The following CTNNA3 variants were observed in gnomAD, a reference collection of about 807,000 sequenced individuals.
CTNNA3 encodes the protein catenin alpha-3.
Under a neutral mutation model 95.7 loss-of-function variants are expected in CTNNA3, and 76 were observed. The observed-to-expected ratio is 0.79, with a 90% confidence interval of 0.66 to 0.96. CTNNA3 has a LOEUF of 0.96. CTNNA3 is among the 40% of genes least tolerant of loss of function. The pLI is 0.00. For missense variants in CTNNA3, 1,191 were observed against 1,089.8 expected, an observed-to-expected ratio of 1.09 and a Z score of -1.31; for synonymous variants, 431 against 374.4, an observed-to-expected ratio of 1.15 and a Z score of -1.74.
chr10:67,321,718 G>C (rs573934520), intron 5 of CTNNA3, among the ~76,000 whole-genome samples: 1 of 151,828 alleles, frequency 6.6e-6, no homozygotes, highest in Admixed American at 6.6e-5. Context: ...TTTAAATCTC[G>C]AGTCCACACC....
intron 17 of CTNNA3, among the ~76,000 whole-genome samples, chr10:65,921,673 A>G (rs1163692497): frequency 1.3e-5 from 2 of 152,204 alleles, no homozygotes; most frequent in Non-Finnish European, 2.9e-5. Flanking sequence ...ATCACAGGGC[A>G]GTGTGAACTG....
At chr10:66,729,048 T>G (rs1197225627) in intron 9 of CTNNA3, among the ~76,000 whole-genome samples, 1 of 152,220 alleles carries the variant, frequency 6.6e-6, no homozygotes, top group Non-Finnish European at 1.5e-5. Context: ...TTGTCTAAGA[T>G]TAGATGGTTG....
chr10:66,628,690 G>T (rs921947673), intron 9 of CTNNA3, among the ~76,000 whole-genome samples: 1 of 152,060 alleles, frequency 6.6e-6, no homozygotes, highest in Non-Finnish European at 1.5e-5. Flanking sequence ...AGGAAAAATG[G>T]TGTCTATGCC....
intron 5 of CTNNA3, among the ~76,000 whole-genome samples, chr10:67,370,927 C>T (rs1042180121): frequency 8.3e-5 from 12 of 145,264 alleles, no homozygotes; most frequent in East Asian, 6.0e-4. Flanking sequence ...AGTGCAGTGG[C>T]GGGATCTCGG....
At chr10:65,972,758 T>A (rs181650861) in intron 16 of CTNNA3, among the ~76,000 whole-genome samples, 2 of 152,098 alleles carry the variant, frequency 1.3e-5, no homozygotes, top group Admixed American at 6.6e-5. Flanking sequence ...ATCGTTAAAA[T>A]GGCCATGCTG....
At chr10:66,117,158 A>G (rs1475354782) in intron 13 of CTNNA3, among the ~76,000 whole-genome samples, 1 of 152,128 alleles carries the variant, frequency 6.6e-6, no homozygotes, top group Non-Finnish European at 1.5e-5. Flanking sequence ...TTTGGGTTTG[A>G]TATATGGGTT....
intron 9 of CTNNA3, among the ~76,000 whole-genome samples, chr10:66,701,484 T>C (rs1847940920): frequency 6.6e-6 from 1 of 152,200 alleles, no homozygotes; most frequent in Non-Finnish European, 1.5e-5. Context: ...TTCAACACTG[T>C]ACAGTTTAAC....
At chr10:66,210,028 C>T (rs1355554005) in intron 13 of CTNNA3, among the ~76,000 whole-genome samples, 1 of 152,068 alleles carries the variant, frequency 6.6e-6, no homozygotes, top group East Asian at 1.9e-4. Context: ...ATCTTAAAAT[C>T]ACAGTAAATA....
At chr10:66,171,639 G>T (rs1320725407) in intron 13 of CTNNA3, among the ~76,000 whole-genome samples, 1 of 152,014 alleles carries the variant, frequency 6.6e-6, no homozygotes, top group Non-Finnish European at 1.5e-5. Flanking sequence ...GTCCTGCTTG[G>T]CAAAGCTTCT....
intron 9 of CTNNA3, among the ~76,000 whole-genome samples, chr10:66,640,467 G>A (rs916689683): frequency 1.1e-4 from 16 of 152,102 alleles, no homozygotes. Flanking sequence ...AAGAGTTCAG[G>A]TAAGGTTTCA....
At chr10:66,540,927 T>C (rs749049975) in intron 10 of CTNNA3, among the ~76,000 whole-genome samples, 31 of 152,256 alleles carry the variant, frequency 2.0e-4, no homozygotes, top group Non-Finnish European at 3.2e-4. Context: ...TTCCAACTCA[T>C]TATATTCCTT....
At chr10:67,556,178 G>A (rs188164703) in intron 3 of CTNNA3, among the ~76,000 whole-genome samples, 3 of 152,264 alleles carry the variant, frequency 2.0e-5, no homozygotes, top group African/African-American at 7.2e-5. Flanking sequence ...GAGGATTTGT[G>A]CATCGATGTT....
At chr10:67,017,685 A>G (rs1852738914) in intron 7 of CTNNA3, among the ~76,000 whole-genome samples, 1 of 152,084 alleles carries the variant, frequency 6.6e-6, no homozygotes, top group Admixed American at 6.6e-5. Flanking sequence ...TTAGTAGGTT[A>G]ATCAAAAAAG....
chr10:66,044,080 C>T (rs2079767595), intron 15 of CTNNA3, among the ~76,000 whole-genome samples: 1 of 151,948 alleles, frequency 6.6e-6, no homozygotes, highest in Admixed American at 6.6e-5. Context: ...ACTGCAACCT[C>T]CCCTCCCAGG....
intron 7 of CTNNA3, among the ~76,000 whole-genome samples, chr10:66,838,243 C>T (rs542845977): frequency 6.6e-6 from 1 of 152,142 alleles, no homozygotes; most frequent in East Asian, 1.9e-4. Context: ...GCACTCACAA[C>T]AGTGGATATC....
At chr10:66,466,104 T>C (rs1195207558) in intron 11 of CTNNA3, among the ~76,000 whole-genome samples, 1 of 151,948 alleles carries the variant, frequency 6.6e-6, no homozygotes, top group Non-Finnish European at 1.5e-5. Flanking sequence ...CCTCATCCAA[T>C]AAATTGAAGG....
At chr10:67,155,369 T>G (rs1861263475) in intron 7 of CTNNA3, among the ~76,000 whole-genome samples, 1 of 152,192 alleles carries the variant, frequency 6.6e-6, no homozygotes, top group African/African-American at 2.4e-5. Flanking sequence ...ACTAGCTACT[T>G]AGAGAATTGT....
intron 13 of CTNNA3, among the ~76,000 whole-genome samples, chr10:66,256,514 G>A (rs1205925159): frequency 9.6e-6 from 1 of 104,002 alleles, no homozygotes; most frequent in African/African-American, 3.2e-5. Flanking sequence ...GAGTTTGGGA[G>A]TTCGAGACCA....
intron 5 of CTNNA3, among the ~76,000 whole-genome samples, chr10:67,353,056 T>C (rs962494095): frequency 2.6e-5 from 4 of 152,052 alleles, no homozygotes; most frequent in African/African-American, 9.7e-5. Flanking sequence ...GGAAAGGTTT[T>C]ATAGCTAGAA....
Sources: allele counts gnomAD v4.1 joint callset (sites outside exome capture counted in the v4.1 genomes callset), GRCh38; gene constraint gnomAD v4.1.1; transcripts MANE v1.5; gene names NCBI Gene and HGNC (gene_info 2026-07-23, HGNC 2026-07-21).